Variants in CLDN10 observed in about 807,000 individuals in gnomAD.
The protein encoded by CLDN10 is claudin-10.
Under a neutral mutation model 22.9 loss-of-function variants are expected in CLDN10, and 15 were observed. The ratio of observed to expected loss-of-function variants is 0.65; its 90% CI spans 0.44 to 1.01. CLDN10 has a LOEUF of 1.01. CLDN10 is among the 50% of genes least tolerant of loss of function. CLDN10 has a pLI of 0.00. For synonymous variants in CLDN10, 114 were observed against 111.4 expected, an observed-to-expected ratio of 1.02 and a Z score of -0.15; for missense variants, 247 against 287.8, an observed-to-expected ratio of 0.86 and a Z score of 1.03.
At chr13:95,494,732 C>T (rs1057254108) in intron 1 of CLDN10, among the ~76,000 whole-genome samples, 1 of 152,216 alleles carries the variant, frequency 6.6e-6, no homozygotes. Flanking sequence ...CTTCCTCTAG[C>T]GTGTTCTGAA....
At chr13:95,573,541 C>T (rs1311966440) in intron 3 of CLDN10, among the ~76,000 whole-genome samples, 2 of 148,194 alleles carry the variant, frequency 1.3e-5, no homozygotes, top group African/African-American at 2.4e-5. Flanking sequence ...TTAGTGTTAC[C>T]GAAAAGGAAG....
chr13:95,447,742 CGTGTGT>C (rs5805934), intron 1 of CLDN10, among the ~76,000 whole-genome samples: 2,579 of 147,600 alleles, frequency 0.017, 55 homozygotes, highest in African/African-American at 0.047. Context: ...AGTGCACATG[CGTGTGT>C]GTGTGTGTGT....
intron 3 of CLDN10, among the ~76,000 whole-genome samples, chr13:95,575,696 C>T (rs1330558317): frequency 2.0e-5 from 3 of 151,940 alleles, no homozygotes; most frequent in Non-Finnish European, 4.4e-5. Context: ...TGCCAAAGCA[C>T]AGTTAGTGCT....
At chr13:95,532,309 ACAACT>A (rs1175191525) in intron 1 of CLDN10, among the ~76,000 whole-genome samples, 1 of 152,176 alleles carries the variant, frequency 6.6e-6, no homozygotes, top group African/African-American at 2.4e-5. Context: ...AAACAAAGAA[ACAACT>A]CAATAGAAAA....
intron 1 of CLDN10, among the ~76,000 whole-genome samples, chr13:95,513,004 T>C (rs893537362): frequency 6.6e-6 from 1 of 152,034 alleles, no homozygotes; most frequent in African/African-American, 2.4e-5. Flanking sequence ...GCCTCCTGAG[T>C]AGCTGGGACC....
chr13:95,452,934 C>T (rs913854013), intron 1 of CLDN10, among the ~76,000 whole-genome samples: 9 of 152,190 alleles, frequency 5.9e-5, no homozygotes, highest in Admixed American at 5.2e-4. Context: ...TACACACACT[C>T]CCCAACTCAA....
chr13:95,456,762 A>C (rs929498641), intron 1 of CLDN10, among the ~76,000 whole-genome samples: 4 of 152,188 alleles, frequency 2.6e-5, no homozygotes. Flanking sequence ...GCACAAAACG[A>C]AACAAAACAA....
chr13:95,555,055 T>TTG (rs763607394), intron 1 of CLDN10, among the ~76,000 whole-genome samples: 2,476 of 150,116 alleles, frequency 0.016, 38 homozygotes, highest in Non-Finnish European at 0.026. Context: ...CAGTTTTTTT[T>TTG]TTTTTTTTTT....
chr13:95,562,501 G>A (rs2043728520), intron 3 of CLDN10, among the ~76,000 whole-genome samples: 1 of 152,126 alleles, frequency 6.6e-6, no homozygotes, highest in Non-Finnish European at 1.5e-5. Flanking sequence ...ACAAAAACAT[G>A]TCCTAATTTA....
upstream of CLDN10, among the ~76,000 whole-genome samples, chr13:95,550,096 C>G (rs1012046065): frequency 6.6e-6 from 1 of 152,166 alleles, no homozygotes; most frequent in African/African-American, 2.4e-5. Context: ...CAAGGCCACC[C>G]CCAGAGATTC....
chr13:95,569,972 G>A (rs2043834560), intron 3 of CLDN10, among the ~76,000 whole-genome samples: 1 of 152,168 alleles, frequency 6.6e-6, no homozygotes, highest in Admixed American at 6.5e-5. Flanking sequence ...GTTTCACCGT[G>A]TTAGCCAGGA....
intron 1 of CLDN10, among the ~76,000 whole-genome samples, chr13:95,523,963 G>T (rs2043248736): frequency 6.6e-6 from 1 of 152,020 alleles, no homozygotes; most frequent in Admixed American, 6.6e-5. Context: ...GGGAACAACT[G>T]GTCTACTGAA....
At chr13:95,460,909 A>T (rs1350874691) in intron 1 of CLDN10, among the ~76,000 whole-genome samples, 1 of 152,052 alleles carries the variant, frequency 6.6e-6, no homozygotes, top group African/African-American at 2.4e-5. Context: ...AGGGGTTCAA[A>T]ACCAGTCTGG....
At chr13:95,490,037 G>C (rs572497091) in intron 1 of CLDN10, among the ~76,000 whole-genome samples, 10 of 152,208 alleles carry the variant, frequency 6.6e-5, no homozygotes, top group African/African-American at 2.4e-4. Flanking sequence ...TAAGTATTTG[G>C]GTTTATTTCT....
intron 1 of CLDN10, among the ~76,000 whole-genome samples, chr13:95,523,519 A>T (rs558453221): frequency 2.0e-5 from 3 of 152,302 alleles, no homozygotes; most frequent in African/African-American, 7.2e-5. Flanking sequence ...AGATCAGGTA[A>T]ATATTTGCCG....
At chr13:95,456,123 T>G (rs1173197332) in intron 1 of CLDN10, among the ~76,000 whole-genome samples, 3 of 152,232 alleles carry the variant, frequency 2.0e-5, no homozygotes, top group Admixed American at 2.0e-4. Flanking sequence ...AGGCTTTTAT[T>G]TATTGTGATG....
intron 3 of CLDN10, among the ~76,000 whole-genome samples, chr13:95,564,841 C>T (rs1317403296): frequency 1.3e-5 from 2 of 152,206 alleles, no homozygotes; most frequent in Non-Finnish European, 2.9e-5. Context: ...ACTTTATGTT[C>T]AGTGGCTAGT....
intron 1 of CLDN10, among the ~76,000 whole-genome samples, chr13:95,556,307 A>G (rs1296189689): frequency 6.6e-6 from 1 of 152,116 alleles, no homozygotes; most frequent in Non-Finnish European, 1.5e-5. Flanking sequence ...CTGCCTCTCA[A>G]AGTGCTGGGA....
chr13:95,477,379 G>A (rs988558819), intron 1 of CLDN10, among the ~76,000 whole-genome samples: 1 of 152,180 alleles, frequency 6.6e-6, no homozygotes, highest in African/African-American at 2.4e-5. Context: ...AGGGCAGGGG[G>A]ATAGTGGCCT....
Sources: allele counts gnomAD v4.1 joint callset (sites outside exome capture counted in the v4.1 genomes callset), GRCh38; gene constraint gnomAD v4.1.1; transcripts MANE v1.5; gene names NCBI Gene and HGNC (gene_info 2026-07-23, HGNC 2026-07-21).